ANO1: variants seen among roughly 807,000 people sequenced by gnomAD.
The protein encoded by ANO1 is anoctamin-1.
In ANO1, 59 loss-of-function variants were observed where a neutral mutation model predicts 124.0. That is an observed-to-expected ratio of 0.48 (90% CI 0.39 to 0.59). The LOEUF is 0.59. ANO1 is among the 20% of genes least tolerant of loss of function. The probability of loss-of-function intolerance (pLI) is 0.00; values close to 1 mark genes in which losing one functional copy is unlikely to be tolerated. For synonymous variants in ANO1, 529 were observed against 532.0 expected (o/e 0.99, Z 0.08); for missense variants, 1,059 against 1,328.0 (o/e 0.80, Z 3.15).
At chr11:69,966,722 C>G in the ANO1 span, among the ~76,000 whole-genome samples, 2 of 152,188 alleles carry the variant, frequency 1.3e-5, no homozygotes. Flanking sequence ...CCTGCCTAGG[C>G]AGAACACCCA....
At chr11:70,109,891 G>C (rs527701056) in intron 6 of ANO1, among the ~76,000 whole-genome samples, 21 of 152,112 alleles carry the variant, frequency 1.4e-4, no homozygotes, top group South Asian at 4.1e-4. Context: ...AGATAGATGC[G>C]GGTCCTCCTC....
At chr11:70,167,139 C>T in intron 20 of ANO1, 103 bp from the exon 21 acceptor site, 1 of 1,422,016 alleles carries the variant, frequency 7.0e-7, no homozygotes, top group Non-Finnish European at 9.5e-7. Flanking sequence ...AAGAGTGAAA[C>T]TCTGTCTCAA....
intron 16 of ANO1, among the ~76,000 whole-genome samples, chr11:70,159,411 G>A (rs374445197): frequency 4.6e-5 from 7 of 152,362 alleles, no homozygotes; most frequent in African/African-American, 1.7e-4. Flanking sequence ...CGGGATGGTA[G>A]AGGAAAGACA....
At chr11:69,972,509 C>A in the ANO1 span, among the ~76,000 whole-genome samples, 14 of 152,120 alleles carry the variant, frequency 9.2e-5, no homozygotes, top group Non-Finnish European at 1.8e-4. Context: ...TACGTATTTC[C>A]TTTGAAAACT....
rs1555003547 is a variant in ANO1, at chr11:70,029,281, G to A, written c.58+43115G>A. ...GGCAAAGGGGCACCCTCTTCCCTCTGCACACAGGCCTGCTCTGCGCAAAGA... is the reference window on the plus strand; with the variant it reads ...GGCAAAGGGGCACCCTCTTCCCTCTACACACAGGCCTGCTCTGCGCAAAGA... On this transcript the variant is annotated intron_variant, in intron 1 of 27. Coordinates refer to the ANO1 transcript ENST00000531349. Among the ~76,000 whole-genome samples the A allele has an allele frequency of 3.3e-5, 5 of 152,202 alleles. No individual in the cohort carries two copies. The South Asian group carries it at 8.3e-4, about 25-fold the overall frequency.
intron 22 of ANO1, among the ~76,000 whole-genome samples, chr11:70,173,463 AC>A (rs2048552312): frequency 6.6e-6 from 1 of 152,222 alleles, no homozygotes; most frequent in Non-Finnish European, 1.5e-5. Flanking sequence ...CCATGAGCTA[AC>A]CAACCCTCCG....
At chr11:70,141,175 T>C (rs187971973) in intron 11 of ANO1, among the ~76,000 whole-genome samples, 1 of 152,266 alleles carries the variant, frequency 6.6e-6, no homozygotes, top group Admixed American at 6.5e-5. Flanking sequence ...CGTAAGCCAG[T>C]AGCAGGGGAC....
intron 1 of ANO1, among the ~76,000 whole-genome samples, chr11:70,016,644 G>A (rs1320135420): frequency 1.4e-4 from 21 of 152,218 alleles, no homozygotes; most frequent in Admixed American, 6.5e-5. Context: ...CGCGGGGCAT[G>A]CATTTCAGTG....
the ANO1 span, among the ~76,000 whole-genome samples, chr11:69,972,302 G>A: frequency 6.6e-6 from 1 of 151,658 alleles, no homozygotes; most frequent in African/African-American, 2.4e-5. Flanking sequence ...AAAATGTACA[G>A]TATGAGCCGT....
In ANO1 at chr11:70,088,103, GCT is replaced by G; in HGVS notation, c.441+20_441+21del. The G allele has an allele frequency of 2.3e-6, 1 of 435,968 alleles. No homozygotes were observed. The highest frequency in any genetic ancestry group is 2.0e-4 in the East Asian group (1 of 4,950). The allele number at this position is 435,968 out of a possible 1,614,324, so 27.0% of individuals were successfully genotyped here. A position where few individuals can be genotyped will look rare whatever the true frequency, so the allele number is the denominator to read the frequency against. ...CGAGGACGTAACTATCTCACTGCGC[GCT>G]GTTTGTGGGGGGTGGGGGGTGGGCT... On this transcript the variant is annotated intron_variant, in intron 2 of 25. Transcript: ENST00000355303.
At chr11:70,174,503 G>A (rs927761091) in intron 22 of ANO1, among the ~76,000 whole-genome samples, 4 of 152,224 alleles carry the variant, frequency 2.6e-5, no homozygotes, top group Non-Finnish European at 4.4e-5. Context: ...TCAAGAGCAA[G>A]GCGAGATTGC....
At chr11:70,071,484 G>A (rs544217860) in intron 1 of ANO1, among the ~76,000 whole-genome samples, 1 of 152,248 alleles carries the variant, frequency 6.6e-6, no homozygotes, top group Non-Finnish European at 1.5e-5. Context: ...CAGCCTGGTC[G>A]CTCCTTCCCA....
At position 70,155,890 on chromosome 11, in the gene ANO1, CT is replaced by C. The variant is rs1377662943; in HGVS notation, c.1426-18del. 1.9e-6 allele frequency: 3 copies of C among 1,538,956 alleles called. No individual in the cohort carries two copies. The highest frequency in any genetic ancestry group is 1.2e-5 in the South Asian group (1 of 82,420). ...CTCCCACTTCACCGCACGGTGCTCT[CT>C]TTCCCCCACCCCCCCTCAGAAGCGC... On this transcript the variant is annotated intron_variant, in intron 14 of 25. Transcript: ENST00000355303.
intron 8 of ANO1, 79 bp downstream of exon 8, chr11:70,116,578 ACCGAGGACTTACCGG>A (rs2045984459): frequency 6.9e-7 from 1 of 1,455,310 alleles, no homozygotes; most frequent in South Asian, 1.2e-5. Flanking sequence ...CTGCAGCTGG[ACCGAGGACTTACCGG>A]CCTCCAGGGC....
intron 2 of ANO1, among the ~76,000 whole-genome samples, chr11:70,095,132 G>A (rs1230684413): frequency 6.6e-6 from 1 of 151,564 alleles, no homozygotes; most frequent in East Asian, 1.9e-4. Context: ...CTTGAACCCA[G>A]GAGGCGGAGG....
At chr11:70,170,793 C>T (rs2048433287) in intron 21 of ANO1, 94 bp from the exon 22 acceptor site, 10 of 1,484,808 alleles carry the variant, frequency 6.7e-6, no homozygotes, top group Non-Finnish European at 8.2e-6. Context: ...GGGGCGGCAG[C>T]CAGACCTGTG....
chr11:70,148,884 C>G (rs2047480800), intron 11 of ANO1, among the ~76,000 whole-genome samples: 1 of 152,228 alleles, frequency 6.6e-6, no homozygotes, highest in Non-Finnish European at 1.5e-5. Context: ...AAGACAGATG[C>G]AGGCTGAAGA....
intron 1 of ANO1, among the ~76,000 whole-genome samples, chr11:70,017,838 G>A (rs1451903316): frequency 6.6e-6 from 1 of 151,988 alleles, no homozygotes; most frequent in Non-Finnish European, 1.5e-5. Context: ...CATTTTTAAT[G>A]AAGCCTTTTA....
chr11:70,120,041 C>T lies in ANO1; in HGVS notation c.897+3542C>T, dbSNP rs566393018. Among the ~76,000 whole-genome samples, 58 of 152,186 alleles carry T rather than the reference C, an allele frequency of 3.8e-4. No homozygotes were observed. The South Asian group carries it at 0.011, about 30-fold the overall frequency. On this transcript the variant is annotated intron_variant, in intron 8 of 25. Coordinates refer to ENST00000355303, the MANE Select transcript of ANO1 (RefSeq NM_018043.7). Reference sequence around the variant, plus strand: ...GCCTGGTGCCAAGTTTTTGCCTTTCCGGTGACAGACTCCATGGCTTCTCCA... The same window carrying T: ...GCCTGGTGCCAAGTTTTTGCCTTTCTGGTGACAGACTCCATGGCTTCTCCA...
Sources: allele counts gnomAD v4.1 joint callset (sites outside exome capture counted in the v4.1 genomes callset), GRCh38; gene constraint gnomAD v4.1.1; transcripts MANE v1.5; gene names NCBI Gene and HGNC (gene_info 2026-07-23, HGNC 2026-07-21).